NTNG2: variants seen among roughly 807,000 people sequenced by gnomAD.
NTNG2 encodes the protein netrin G2.
Under a neutral mutation model 47.6 loss-of-function variants are expected in NTNG2, and 15 were observed. That is an observed-to-expected ratio of 0.32 (90% CI 0.21 to 0.49). NTNG2 has a LOEUF of 0.49. Ranked by LOEUF, NTNG2 falls within the 20% of genes least tolerant of loss-of-function variation. The probability of loss-of-function intolerance (pLI) is 0.99; values close to 1 mark genes in which losing one functional copy is unlikely to be tolerated. For synonymous variants in NTNG2, 307 were observed against 324.6 expected, an observed-to-expected ratio of 0.95 and a Z score of 0.58; for missense variants, 578 against 764.6, an observed-to-expected ratio of 0.76 and a Z score of 2.88.
In NTNG2 at chr9:132,240,892, G is replaced by C. The variant is rs376623172; in HGVS notation, c.1223-18G>C. 2 of 1,612,712 alleles carry C rather than the reference G, an allele frequency of 1.2e-6. No homozygotes were observed. The highest frequency in any genetic ancestry group is 1.7e-6 in the Non-Finnish European group (2 of 1,179,794). On this transcript the variant is annotated intron_variant, in intron 6 of 7. Transcript: ENST00000393229. ...CACACGTAGCCCTGACCGCGCGCCCGTGCCCGTGTCCGTCCAGAGTGTAAC... is the reference window on the plus strand; with the variant it reads ...CACACGTAGCCCTGACCGCGCGCCCCTGCCCGTGTCCGTCCAGAGTGTAAC...
At chr9:132,203,298 C>A (rs903797067) in intron 3 of NTNG2, among the ~76,000 whole-genome samples, 7 of 152,000 alleles carry the variant, frequency 4.6e-5, no homozygotes, top group African/African-American at 1.7e-4. Context: ...TATGATGGTA[C>A]CACAGCACTC....
Position 132,189,064 on chromosome 9 carries a change from C to CTTTTTTTTTTTTTTT in NTNG2, c.214-8899_214-8898insTTTTTTTTTTTTTTT, listed in dbSNP as rs1179386814. On this transcript the variant is annotated intron_variant, in intron 2 of 7. Coordinates refer to ENST00000393229, the MANE Select transcript of NTNG2 (RefSeq NM_032536.4). ...GTTTTATGTGAAAAAGGCTTTAAGC[C>CTTTTTTTTTTTTTTT]TTTCTTTTTTTTTTTTTTTTTTTTT... Among the ~76,000 whole-genome samples the CTTTTTTTTTTTTTTT allele has an allele frequency of 4.0e-4, 25 of 61,766 alleles. 1 individual carries two copies. The highest frequency in any genetic ancestry group is 9.6e-4 in the South Asian group (2 of 2,094). The allele number at this position is 61,766 out of a possible 152,430, so 40.5% of individuals were successfully genotyped here. A position where few individuals can be genotyped will look rare whatever the true frequency, so the allele number is the denominator to read the frequency against.
rs1200526409 is a variant in NTNG2 at position 132,208,555 on chromosome 9, G to A, written c.857+9946G>A. Among the ~76,000 whole-genome samples the A allele has an allele frequency of 2.6e-5, 4 of 152,016 alleles. No homozygotes were observed. Among genetic ancestry groups the A allele is most frequent in the East Asian group, 1.9e-4 (1 of 5,168 alleles). ...AGGGACAGGGGCTGTGATGTGGGCCGCCTGGAGGTGGTCTTTGGTGGCAGT... is the reference window on the plus strand; with the variant it reads ...AGGGACAGGGGCTGTGATGTGGGCCACCTGGAGGTGGTCTTTGGTGGCAGT... On this transcript the variant is annotated intron_variant, in intron 3 of 7. Transcript: ENST00000393229. This position sits in a 1 kb window ranked among gnomAD's most constrained non-coding sequence, Gnocchi z 4.0.
intron 2 of NTNG2, among the ~76,000 whole-genome samples, chr9:132,196,786 A>G (rs2130714334): frequency 6.6e-6 from 1 of 152,206 alleles, no homozygotes; most frequent in South Asian, 2.1e-4. Flanking sequence ...TGGCGTCAGA[A>G]CCCTCAGGTG....
intron 4 of NTNG2, among the ~76,000 whole-genome samples, chr9:132,227,484 CAG>C (rs1316512214): frequency 1.3e-5 from 2 of 152,178 alleles, no homozygotes; most frequent in Non-Finnish European, 2.9e-5. Flanking sequence ...ACCCCCACTT[CAG>C]GTGAGGGGAT....
At chr9:132,191,970 A>G (rs1231871542) in intron 2 of NTNG2, among the ~76,000 whole-genome samples, 1 of 152,248 alleles carries the variant, frequency 6.6e-6, no homozygotes, top group Non-Finnish European at 1.5e-5. Context: ...TTAAAGAGGC[A>G]GCTACTACTT....
intron 3 of NTNG2, among the ~76,000 whole-genome samples, chr9:132,216,702 G>C (rs1840020355): frequency 6.6e-6 from 1 of 152,100 alleles, no homozygotes; most frequent in Non-Finnish European, 1.5e-5. Flanking sequence ...TGGTGAGATT[G>C]ATGGTTCCTG....
intron 2 of NTNG2, among the ~76,000 whole-genome samples, chr9:132,176,509 A>G (rs1589381370): frequency 6.6e-6 from 1 of 152,224 alleles, no homozygotes; most frequent in Non-Finnish European, 1.5e-5. Flanking sequence ...ACATTGTCGC[A>G]TGACTCAGTG....
chr9:132,227,655 A>G (rs762913663), intron 4 of NTNG2, among the ~76,000 whole-genome samples: 2 of 152,084 alleles, frequency 1.3e-5, no homozygotes, highest in African/African-American at 4.8e-5. Flanking sequence ...TACGGCCTGC[A>G]CCAGAGTCCC....
chr9:132,164,654 A>G (rs912741333), intron 1 of NTNG2, among the ~76,000 whole-genome samples: 1 of 152,254 alleles, frequency 6.6e-6, no homozygotes, highest in Non-Finnish European at 1.5e-5. Context: ...GTTCTGTCTT[A>G]GAGTTTTCTA....
At chr9:132,228,006 C>T (rs1317443374) in intron 4 of NTNG2, among the ~76,000 whole-genome samples, 3 of 152,212 alleles carry the variant, frequency 2.0e-5, no homozygotes, top group Admixed American at 1.3e-4. Context: ...AGGGTGGAGT[C>T]CTTATTACGG....
intron 1 of NTNG2, among the ~76,000 whole-genome samples, chr9:132,164,513 T>C (rs975607079): frequency 1.6e-4 from 25 of 152,236 alleles, no homozygotes; most frequent in African/African-American, 4.3e-4. Flanking sequence ...AGTCGACTGC[T>C]GGAAGAATTA....
At chr9:132,216,410 CTCTCTGTGTGTGTGTGTATGTGTG>C (rs1336710602) in intron 3 of NTNG2, among the ~76,000 whole-genome samples, 32 of 92,814 alleles carry the variant, frequency 3.4e-4, no homozygotes, top group African/African-American at 5.5e-4. Flanking sequence ...CTCTCTCTCT[CTCTCTGTGTGTGTGTGTATGTGTG>C]TGTGTGTGTG....
At chr9:132,211,807 C>G (rs754311452) in intron 3 of NTNG2, among the ~76,000 whole-genome samples, 7 of 152,184 alleles carry the variant, frequency 4.6e-5, no homozygotes, top group South Asian at 2.1e-4. Context: ...ACGTCTGACA[C>G]CCGCCCCCAT....
At chr9:132,199,735 C>T (rs529099709) in intron 3 of NTNG2, among the ~76,000 whole-genome samples, 1 of 152,300 alleles carries the variant, frequency 6.6e-6, no homozygotes, top group East Asian at 1.9e-4. Flanking sequence ...AGTCCAACGG[C>T]TTATGGATTA....
rs980549609 is a variant in NTNG2, at chr9:132,182,829, G to A, written c.214-15137G>A. 5.9e-5 allele frequency among the ~76,000 whole-genome samples: 9 copies of A among 152,192 alleles called. No homozygotes were observed. Among genetic ancestry groups the A allele is most frequent in the African/African-American group, 1.2e-4 (5 of 41,450 alleles). ...GACCAGGCTGCCCTCTAAGCCACTC[G>A]GCTGGCTCTCAGCCGGGGTGCACAC... On this transcript the variant is annotated intron_variant, in intron 2 of 7. Transcript: ENST00000393229. This position sits in a 1 kb window ranked among gnomAD's most constrained non-coding sequence, Gnocchi z 4.2.
chr9:132,173,363 C>A (rs183192339), intron 2 of NTNG2, among the ~76,000 whole-genome samples: 24 of 152,266 alleles, frequency 1.6e-4, no homozygotes. Flanking sequence ...GGGAGTGAGA[C>A]CCTTGCTTCT....
rs1835218379 is a variant in NTNG2, at chr9:132,163,263, C to A, written c.-484+1024C>A. Among the ~76,000 whole-genome samples, 2 of 152,200 alleles carry A rather than the reference C, an allele frequency of 1.3e-5. No homozygotes were observed. The highest frequency in any genetic ancestry group is 4.1e-4 in the South Asian group (2 of 4,824). On this transcript the variant is annotated intron_variant, in intron 1 of 7. Transcript: ENST00000393229. The surrounding 1 kb of genome is among the most constrained non-coding windows in gnomAD (Gnocchi z 7.2). ...GCTCGCAGCCGGCCCGAAGCACTGA[C>A]TCGACCCTGGCCCCGGCCTCGACCC...
rs1554790515 is a variant in NTNG2, at chr9:132,216,414, C to CTCTCTCTCTCTGTGTGTG, written c.858-10434_858-10433insCTCTCTCTCTGTGTGTGT. ...TCTCTCTCTCTCTCTCTCTCTCTCTCTGTGTGTGTGTGTATGTGTGTGTGT... is the reference window on the plus strand; with the variant it reads ...TCTCTCTCTCTCTCTCTCTCTCTCTCTCTCTCTCTCTGTGTGTGTGTGTGTGTGTGTATGTGTGTGTGT... On this transcript the variant is annotated intron_variant, in intron 3 of 7. Transcript: ENST00000393229. 6.8e-4 allele frequency among the ~76,000 whole-genome samples: 75 copies of CTCTCTCTCTCTGTGTGTG among 110,324 alleles called. 3 individuals are homozygous for CTCTCTCTCTCTGTGTGTG. Among genetic ancestry groups the CTCTCTCTCTCTGTGTGTG allele is most frequent in the African/African-American group, 3.0e-3 (62 of 20,542 alleles). 72.4% of individuals were successfully genotyped at this position (110,324 alleles called of 152,430 possible).
Sources: gnomAD v4.1 joint callset for allele counts (sites outside exome capture counted in the v4.1 genomes callset) on GRCh38, gnomAD v4.1.1 for gene constraint, Gnocchi (gnomAD v3.1) non-coding constraint, MANE v1.5 for transcripts, NCBI Gene and HGNC (gene_info 2026-07-23, HGNC 2026-07-21) for gene names.